RXYLT1: variants seen among roughly 807,000 people sequenced by gnomAD.
The protein encoded by RXYLT1 is ribitol-5-phosphate xylosyltransferase 1.
Under a neutral mutation model 43.5 loss-of-function variants are expected in RXYLT1, and 41 were observed. The observed-to-expected ratio is 0.94, with a 90% CI of 0.73 to 1.22. The LOEUF is 1.22. Among genes scored for constraint, RXYLT1 ranks in the 50% most tolerant of loss-of-function variants. RXYLT1 has a pLI of 0.00. For missense variants in RXYLT1, 514 were observed against 532.0 expected, an observed-to-expected ratio of 0.97 and a Z score of 0.33; for synonymous variants, 166 against 194.4, an observed-to-expected ratio of 0.85 and a Z score of 1.21.
chr12:63,798,771 A>G lies in RXYLT1; in HGVS notation c.429-3320A>G, dbSNP rs955110668. ...AAATGAGTGTGGAACAGGAAATGAC[A>G]CTGACAGTGTCCACTGATTCCAAGG... On this transcript the variant is annotated intron_variant, in intron 3 of 5. Transcript: ENST00000261234. 2.0e-5 allele frequency among the ~76,000 whole-genome samples: 3 copies of G among 152,212 alleles called. No individual in the cohort carries two copies. In the South Asian group the frequency reaches 6.2e-4, roughly 32 times the overall value.
At chr12:63,793,939 A>G (rs1243299970) in intron 3 of RXYLT1, among the ~76,000 whole-genome samples, 7 of 152,246 alleles carry the variant, frequency 4.6e-5, no homozygotes, top group Non-Finnish European at 7.3e-5. Context: ...ACTGAAGCCT[A>G]CTTAATAAGA....
In RXYLT1 at chr12:63,779,989, C is replaced by G. The variant is rs1342316456; in HGVS notation, c.29C>G (p.Ser10Trp). 1 of 1,610,654 alleles carries G rather than the reference C, an allele frequency of 6.2e-7. No individual in the cohort carries two copies. The highest frequency in any genetic ancestry group is 2.2e-5 in the East Asian group (1 of 44,730). MRLTRKRLC[S>W]FLIALYCLFS... is the part of the protein sequence containing the mutation. ...CGGCTGACGCGGAAGCGGCTCTGCT[C>G]GTTTCTTATCGCCCTGTACTGCCTA... Residue 10 changes from serine to tryptophan, a missense_variant, in exon 1 of 6, where the codon TCG becomes TGG. Physicochemically the swap from Ser to Trp is radical, Grantham distance 177. Coordinates refer to ENST00000261234, the MANE Select transcript of RXYLT1 (RefSeq NM_014254.3).
At chr12:63,780,169 C>G (rs993642462) in intron 1 of RXYLT1, 40 bp downstream of exon 1, 2 of 1,414,130 alleles carry the variant, frequency 1.4e-6, no homozygotes, top group South Asian at 1.6e-5. Flanking sequence ...CTCTGCGCTC[C>G]TGGCTGGGGC....
intron 3 of RXYLT1, among the ~76,000 whole-genome samples, chr12:63,789,834 A>C (rs562428050): frequency 1.3e-5 from 2 of 152,352 alleles, no homozygotes; most frequent in East Asian, 3.9e-4. Flanking sequence ...AAACAACTAC[A>C]TGGGTACTAA....
intron 5 of RXYLT1, chr12:63,807,192 C>G (rs1592857843): frequency 2.0e-5 from 3 of 152,252 alleles, no homozygotes; most frequent in South Asian, 4.2e-4. Flanking sequence ...TTGTCCTTCA[C>G]TCCCCTTTCT....
chr12:63,780,150 T>C, intron 1 of RXYLT1, 21 bp downstream of exon 1: 1 of 1,445,458 alleles, frequency 6.9e-7, no homozygotes, highest in Non-Finnish European at 9.0e-7. Context: ...GTCGGCGGCT[T>C]CCTTCCGGCT....
intron 3 of RXYLT1, among the ~76,000 whole-genome samples, chr12:63,793,064 C>T (rs189545760): frequency 2.0e-5 from 3 of 152,282 alleles, no homozygotes; most frequent in Non-Finnish European, 2.9e-5. Context: ...GCAACACTGG[C>T]CCAGCATCAT....
chr12:63,800,159 C>G (rs570696505), intron 3 of RXYLT1, among the ~76,000 whole-genome samples: 3 of 152,164 alleles, frequency 2.0e-5, no homozygotes, highest in Non-Finnish European at 4.4e-5. Flanking sequence ...TATGGAAAAA[C>G]TTAAGCTCTG....
rs1898384371 is a variant in RXYLT1 at position 63,808,975 on chromosome 12, A to C, written c.1215A>C (p.Gln405His). Residue 405 changes from glutamine to histidine, a missense_variant, in exon 6 of 6, where the codon CAA (glutamine) becomes CAC (histidine). By Grantham distance (24) the Gln-to-His change is conservative (BLOSUM62 0). Coordinates refer to ENST00000261234, the MANE Select transcript of RXYLT1 (RefSeq NM_014254.3). ...AAAAAGAGAAAACTATAATTTTACA[A>C]GAAAAAATTGAAAGAAGAAAAATGT... ...VLEKEKTIIL[Q>H]EKIERRKMLL... The C allele has an allele frequency of 6.2e-7, 1 of 1,612,832 alleles. No individual in the cohort carries two copies. Among genetic ancestry groups the C allele is most frequent in the African/African-American group, 1.3e-5 (1 of 74,786 alleles).
chr12:63,798,113 G>A lies in RXYLT1; in HGVS notation c.429-3978G>A, dbSNP rs368044323. On this transcript the variant is annotated intron_variant, in intron 3 of 5. Transcript: ENST00000261234. ...ACAACCCTGCCTCCTCTTTCATCAGGAAAATTGAGGACATCATAATTATCT... is the reference window on the plus strand; with the variant it reads ...ACAACCCTGCCTCCTCTTTCATCAGAAAAATTGAGGACATCATAATTATCT... Among the ~76,000 whole-genome samples, 13 of 152,152 alleles carry A rather than the reference G, an allele frequency of 8.5e-5. No homozygotes were observed. The East Asian group carries it at 2.3e-3, about 27-fold the overall frequency.
chr12:63,784,893 A>C (rs2136221823), intron 2 of RXYLT1, 77 bp from the exon 3 acceptor site: 1 of 1,277,870 alleles, frequency 7.8e-7, no homozygotes, highest in East Asian at 2.4e-5. Flanking sequence ...AAAAGAACAG[A>C]ACGTAAACTT....
intron 3 of RXYLT1, among the ~76,000 whole-genome samples, chr12:63,800,808 G>A (rs1898142380): frequency 1.3e-5 from 2 of 151,870 alleles, no homozygotes; most frequent in African/African-American, 4.8e-5. Flanking sequence ...TGCAGTCCCA[G>A]CTACTCAGGA....
At chr12:63,784,036 G>A (rs1257894302) in intron 2 of RXYLT1, among the ~76,000 whole-genome samples, 1 of 151,870 alleles carries the variant, frequency 6.6e-6, no homozygotes, top group Non-Finnish European at 1.5e-5. Context: ...ATTACATAGG[G>A]CCCACCTAGA....
At chr12:63,781,760 C>T (rs1192824160) in intron 2 of RXYLT1, among the ~76,000 whole-genome samples, 1 of 152,008 alleles carries the variant, frequency 6.6e-6, no homozygotes. Flanking sequence ...GAGAATGGGG[C>T]CCTGAGGGTT....
At chr12:63,786,411 G>T (rs1277098078) in intron 3 of RXYLT1, among the ~76,000 whole-genome samples, 3 of 151,768 alleles carry the variant, frequency 2.0e-5, no homozygotes, top group African/African-American at 7.3e-5. Context: ...AGCAAATACT[G>T]CAATAAAGCA....
In RXYLT1 at chr12:63,808,668, T is replaced by C. The variant is rs1193388387; in HGVS notation, c.915-7T>C. The C allele has an allele frequency of 6.3e-7, 1 of 1,593,378 alleles. No homozygotes were observed. The highest frequency in any genetic ancestry group is 8.5e-7 in the Non-Finnish European group (1 of 1,175,738). On this transcript the variant is annotated splice_region_variant and splice_polypyrimidine_tract_variant and intron_variant, in intron 5 of 5. Transcript: ENST00000261234. ...TGAAAACTACAGTTGTTTTTCTGAT[T>C]TTCTAGCTGGCAGCCTCAGGAAACA...
chr12:63,787,340 G>T (rs967170069), intron 3 of RXYLT1, among the ~76,000 whole-genome samples: 1 of 152,094 alleles, frequency 6.6e-6, no homozygotes, highest in Admixed American at 6.5e-5. Context: ...ACACCTTCAG[G>T]TTCCACTTCT....
At chr12:63,787,071 C>T (rs1897819343) in intron 3 of RXYLT1, among the ~76,000 whole-genome samples, 1 of 152,044 alleles carries the variant, frequency 6.6e-6, no homozygotes, top group Non-Finnish European at 1.5e-5. Flanking sequence ...TAAGATCATG[C>T]CACTGCCCTC....
At chr12:63,805,430 T>C in intron 5 of RXYLT1, 26 bp downstream of exon 5, 6 of 1,536,008 alleles carry the variant, frequency 3.9e-6, no homozygotes, top group Non-Finnish European at 5.2e-6. Flanking sequence ...ATTTAATTCA[T>C]TCATTTTGTT....
Sources: allele counts gnomAD v4.1 joint callset (sites outside exome capture counted in the v4.1 genomes callset), GRCh38; gene constraint gnomAD v4.1.1; transcripts MANE v1.5; gene names NCBI Gene and HGNC (gene_info 2026-07-23, HGNC 2026-07-21).